The following MTCH2 variants were observed in gnomAD, a reference collection of about 807,000 sequenced individuals.
The protein encoded by MTCH2 is mitochondrial carrier homolog 2.
MTCH2 carries 25 observed loss-of-function variants against 50.6 expected under a neutral mutation model. That is an observed-to-expected ratio of 0.49 (90% confidence interval 0.36 to 0.69). The LOEUF (loss-of-function observed/expected upper bound fraction) is 0.69, where lower values mean the gene tolerates loss of function less well. Among genes scored for constraint, MTCH2 ranks in the 30% least tolerant of loss-of-function variants. The probability of loss-of-function intolerance (pLI) is 0.00; values close to 1 mark genes in which losing one functional copy is unlikely to be tolerated. For missense variants in MTCH2, 273 were observed against 384.4 expected, an observed-to-expected ratio of 0.71 and a Z score of 2.42; for synonymous variants, 106 against 132.0, an observed-to-expected ratio of 0.80 and a Z score of 1.35.
At chr11:47,636,894 T>A (rs2097309141) in intron 3 of MTCH2, among the ~76,000 whole-genome samples, 1 of 149,782 alleles carries the variant, frequency 6.7e-6, no homozygotes, top group South Asian at 2.1e-4. Flanking sequence ...TCTAAAAAAA[T>A]AATAATAAAT....
At chr11:47,629,652 G>A (rs963492574) in intron 8 of MTCH2, among the ~76,000 whole-genome samples, 2 of 151,568 alleles carry the variant, frequency 1.3e-5, no homozygotes, top group South Asian at 2.1e-4. Flanking sequence ...GAGCATCAAT[G>A]TTTTTTAATC....
chr11:47,620,760 C>G (rs969656916), intron 12 of MTCH2, among the ~76,000 whole-genome samples: 1 of 152,140 alleles, frequency 6.6e-6, no homozygotes, highest in Non-Finnish European at 1.5e-5. Context: ...GCCATGTGAC[C>G]TTGCATTATG....
chr11:47,637,927 T>C (rs2097310177), intron 3 of MTCH2, among the ~76,000 whole-genome samples: 1 of 152,202 alleles, frequency 6.6e-6, no homozygotes, highest in African/African-American at 2.4e-5. Context: ...CTAACCTGTC[T>C]TCTACATTTC....
At chr11:47,631,960 G>C (rs1187529103) in intron 5 of MTCH2, among the ~76,000 whole-genome samples, 1 of 152,016 alleles carries the variant, frequency 6.6e-6, no homozygotes, top group Non-Finnish European at 1.5e-5. Flanking sequence ...CTGCAAAGCA[G>C]GCTTCTGTTG....
At chr11:47,621,500 T>C (rs902736347) in intron 12 of MTCH2, among the ~76,000 whole-genome samples, 1 of 151,992 alleles carries the variant, frequency 6.6e-6, no homozygotes. Context: ...TGGCACAATC[T>C]TGGCTCACTG....
intron 1 of MTCH2, among the ~76,000 whole-genome samples, chr11:47,639,889 C>T (rs2097312410): frequency 6.6e-6 from 1 of 152,100 alleles, no homozygotes; most frequent in Non-Finnish European, 1.5e-5. Flanking sequence ...CTGTCATTAA[C>T]AGCTAATGAA....
chr11:47,610,312 A>G, the MTCH2 span, among the ~76,000 whole-genome samples: 1 of 152,166 alleles, frequency 6.6e-6, no homozygotes, highest in African/African-American at 2.4e-5. Context: ...TGCCCATATT[A>G]TTGTCTATAC....
At chr11:47,636,961 GTTTT>G (rs11393379) in intron 3 of MTCH2, among the ~76,000 whole-genome samples, 48 of 141,290 alleles carry the variant, frequency 3.4e-4, no homozygotes, top group Non-Finnish European at 6.1e-4. Flanking sequence ...CAAGAACTCT[GTTTT>G]TTTTTTTTTT....
At position 47,639,061 on chromosome 11, in the gene MTCH2, C is replaced by A; in HGVS notation, c.88-10G>T. 2 of 1,593,056 alleles carry A rather than the reference C, an allele frequency of 1.3e-6. No individual in the cohort carries two copies. Among genetic ancestry groups the A allele is most frequent in the Non-Finnish European group, 1.7e-6 (2 of 1,165,418 alleles). On this transcript the variant is annotated splice_polypyrimidine_tract_variant and intron_variant, in intron 1 of 12. Transcript: ENST00000302503. The stretch of plus-strand genomic sequence containing the variant: ...GAGGCTCATATCCCACCTTTAAAAA[C>A]AATGGAATATATCAATATTAAAGCA...
chr11:47,611,019 G>A, the MTCH2 span, among the ~76,000 whole-genome samples: 1 of 152,184 alleles, frequency 6.6e-6, no homozygotes, highest in Admixed American at 6.6e-5. Flanking sequence ...GAGCTTCAAC[G>A]AATACCTTCT....
intron 12 of MTCH2, among the ~76,000 whole-genome samples, chr11:47,619,338 G>T (rs558681496): frequency 1.7e-4 from 26 of 152,242 alleles, no homozygotes; most frequent in African/African-American, 6.3e-4. Flanking sequence ...CCAGGTTCAA[G>T]CGATTCTCCT....
At chr11:47,632,580 G>A (rs1438464096) in intron 5 of MTCH2, among the ~76,000 whole-genome samples, 2 of 151,886 alleles carry the variant, frequency 1.3e-5, no homozygotes, top group African/African-American at 4.8e-5. Flanking sequence ...GGATGGTCTC[G>A]ATCTCCTGAC....
chr11:47,620,290 A>T (rs1018063887), intron 12 of MTCH2, among the ~76,000 whole-genome samples: 3 of 151,720 alleles, frequency 2.0e-5, no homozygotes, highest in African/African-American at 4.8e-5. Context: ...TAATAAAATT[A>T]AAAAAAACAA....
chr11:47,633,526 A>ATATATATATATT (rs1378774715), intron 5 of MTCH2, among the ~76,000 whole-genome samples: 5 of 35,078 alleles, frequency 1.4e-4, no homozygotes, highest in Non-Finnish European at 2.9e-4. Flanking sequence ...ATATATATAT[A>ATATATATATATT]TTTTTTTTTT....
intron 3 of MTCH2, among the ~76,000 whole-genome samples, chr11:47,637,658 TTTTA>T (rs2097309970): frequency 6.6e-6 from 1 of 152,112 alleles, no homozygotes; most frequent in African/African-American, 2.4e-5. Context: ...TAACCACCAG[TTTTA>T]TTGTTTTCTT....
rs751558199 is a variant in MTCH2 at position 47,622,768 on chromosome 11, C to G, written c.758G>C (p.Gly253Ala). The G allele has an allele frequency of 2.2e-5, 36 of 1,607,626 alleles. No individual in the cohort carries two copies. The highest frequency in any genetic ancestry group is 2.3e-5 in the Non-Finnish European group (27 of 1,174,828). ...TATTGGGGAGTAAGGAGGGCATCCA[C>G]CAGCAAGACTAAAATAGAAAAAAAC... ...LMAVNNCGLA[G>A]GCPPYSPIYT... is the part of the protein sequence containing the mutation. Residue 253 changes from glycine (G) to alanine (A), a missense_variant, in exon 12 of 13, where the codon GGT becomes GCT. By Grantham distance (60) the Gly-to-Ala change is moderately conservative. This residue lies in a region of MTCH2 where 70 missense variants were observed against 140.1 expected (regional missense o/e 0.50). Transcript: ENST00000302503.
the MTCH2 span, among the ~76,000 whole-genome samples, chr11:47,605,462 CTT>C: frequency 6.6e-6 from 1 of 152,030 alleles, no homozygotes; most frequent in African/African-American, 2.4e-5. Context: ...TCCACTTACT[CTT>C]TTAAATTTCA....
intron 5 of MTCH2, among the ~76,000 whole-genome samples, chr11:47,633,114 CTTT>C (rs11394531): frequency 4.5e-5 from 6 of 134,544 alleles, no homozygotes; most frequent in East Asian, 2.2e-4. Context: ...TGTATCCCTG[CTTT>C]TTTTTTTTTT....
chr11:47,630,470 G>A (rs2097302028), intron 8 of MTCH2, 85 bp downstream of exon 8: 3 of 1,187,338 alleles, frequency 2.5e-6, no homozygotes, highest in Non-Finnish European at 3.8e-6. Flanking sequence ...TTTTCCCCAA[G>A]GATTAAACAA....
Sources: allele counts gnomAD v4.1 joint callset (sites outside exome capture counted in the v4.1 genomes callset), GRCh38; gene constraint gnomAD v4.1.1; regional missense constraint gnomAD v4.1.1; transcripts MANE v1.5; gene names NCBI Gene and HGNC (gene_info 2026-07-23, HGNC 2026-07-21).